Variants in GDPD4 observed in about 807,000 individuals in gnomAD.
GDPD4 encodes the protein glycerophosphodiester phosphodiesterase 6.
A neutral mutation model predicts 67.8 loss-of-function variants in GDPD4; 60 were observed. That is an observed-to-expected ratio of 0.88 (90% CI 0.72 to 1.10). GDPD4 has a LOEUF of 1.10. GDPD4 is among the 50% of genes least tolerant of loss of function. The pLI is 0.00. For missense variants in GDPD4, 623 were observed against 613.9 expected, an observed-to-expected ratio of 1.01 and a Z score of -0.16; for synonymous variants, 212 against 210.9, an observed-to-expected ratio of 1.00 and a Z score of -0.04.
chr11:77,289,964 GA>G (rs1447285456), intron 1 of GDPD4, among the ~76,000 whole-genome samples: 61 of 152,238 alleles, frequency 4.0e-4, no homozygotes, highest in Non-Finnish European at 7.1e-4. Flanking sequence ...AAGAGGTGGG[GA>G]AAAGCATCGA....
intron 16 of GDPD4, among the ~76,000 whole-genome samples, chr11:77,221,893 T>G (rs1204165439): frequency 6.6e-6 from 1 of 151,866 alleles, no homozygotes; most frequent in Non-Finnish European, 1.5e-5. Flanking sequence ...CACTAAGGAC[T>G]TGCTTTATGA....
chr11:77,242,935 T>TATAG (rs11282443), intron 13 of GDPD4, among the ~76,000 whole-genome samples: 1 of 151,200 alleles, frequency 6.6e-6, no homozygotes, highest in Non-Finnish European at 1.5e-5. Flanking sequence ...ATCTATAATC[T>TATAG]ATTATAGATA....
At chr11:77,227,415 G>A (rs1002892683) in intron 16 of GDPD4, among the ~76,000 whole-genome samples, 9 of 152,156 alleles carry the variant, frequency 5.9e-5, no homozygotes, top group African/African-American at 1.9e-4. Context: ...CAGCTACTCT[G>A]TCCTGGACCT....
In GDPD4 at chr11:77,227,715, C is replaced by T. The variant is rs1958370130; in HGVS notation, c.1525+149G>A. 4 of 649,612 alleles carry T rather than the reference C, an allele frequency of 6.2e-6. No individual in the cohort carries two copies. The South Asian group carries it at 7.1e-5, about 12-fold the overall frequency. 40.2% of individuals were successfully genotyped at this position (649,612 alleles called of 1,614,324 possible). A position where few individuals can be genotyped will look rare whatever the true frequency, so the allele number is the denominator to read the frequency against. ...AGAGTCCTCCAGAATCTATGCCCAGCCTATACTTCCCCTGGTCCCTCCCCC... is the reference window on the plus strand; with the variant it reads ...AGAGTCCTCCAGAATCTATGCCCAGTCTATACTTCCCCTGGTCCCTCCCCC... On this transcript the variant is annotated intron_variant, in intron 16 of 16. Transcript: ENST00000315938.
Position 77,271,343 on chromosome 11 carries a change from T to A in GDPD4, c.258A>T (p.Ile86=), listed in dbSNP as rs915385698. 3 of 1,613,910 alleles carry A rather than the reference T, an allele frequency of 1.9e-6. No individual in the cohort carries two copies. In the African/African-American group the frequency reaches 4.0e-5, roughly 22 times the overall value. ...GCCACCTTTCTTTCCAGAATTTGCATATAATGAACATTAAAATGACACACA... is the reference window on the plus strand; with the variant it reads ...GCCACCTTTCTTTCCAGAATTTGCAAATAATGAACATTAAAATGACACACA... The part of the protein sequence containing the change: ...ILLCVILMFI[I]CKFWKERWLV... The change falls in exon 6 of 17, where the codon ATA becomes ATT. Residue 86 remains isoleucine (I), a synonymous_variant. Transcript: ENST00000315938.
rs571738643 is a variant in GDPD4, at chr11:77,256,762, C to T, written c.864+1624G>A. On this transcript the variant is annotated intron_variant, in intron 11 of 16. Transcript: ENST00000315938. Reference sequence around the variant, plus strand: ...GGTACCTCCTTCTCTCTTTCTTGCTCCCTCTCTCGCCATATGACATGCCTT... The same window carrying T: ...GGTACCTCCTTCTCTCTTTCTTGCTTCCTCTCTCGCCATATGACATGCCTT... Among the ~76,000 whole-genome samples, 72 of 152,244 alleles carry T rather than the reference C, an allele frequency of 4.7e-4. 1 individual carries two copies. Among genetic ancestry groups the T allele is most frequent in the African/African-American group, 1.7e-3 (70 of 41,528 alleles).
intron 11 of GDPD4, 137 bp from the exon 12 acceptor site, chr11:77,245,639 C>G: frequency 3.2e-6 from 2 of 622,186 alleles, no homozygotes; most frequent in East Asian, 5.5e-5. Context: ...TCCTAGAAAA[C>G]AGGTGACAAG....
chr11:77,224,590 CAG>C (rs975462613), intron 16 of GDPD4, among the ~76,000 whole-genome samples: 19 of 152,230 alleles, frequency 1.2e-4, no homozygotes, highest in African/African-American at 4.1e-4. Flanking sequence ...ATTGAGAAAA[CAG>C]AGATGACTTC....
At chr11:77,261,777 G>A (rs1288272001) in intron 10 of GDPD4, among the ~76,000 whole-genome samples, 1 of 152,180 alleles carries the variant, frequency 6.6e-6, no homozygotes, top group Non-Finnish European at 1.5e-5. Flanking sequence ...TCAGCTTTTA[G>A]TGTGTGAAAC....
At chr11:77,266,737 T>C (rs1959179963) in intron 10 of GDPD4, among the ~76,000 whole-genome samples, 1 of 151,942 alleles carries the variant, frequency 6.6e-6, no homozygotes, top group Non-Finnish European at 1.5e-5. Context: ...TCTTAGTTTC[T>C]AACAAAAAAG....
At position 77,287,314 on chromosome 11, in the gene GDPD4, G is replaced by A. The variant is rs1960037128; in HGVS notation, c.-147C>T. The A allele has an allele frequency of 6.6e-6, 1 of 152,236 alleles. No homozygotes were observed. Among genetic ancestry groups the A allele is most frequent in the Admixed American group, 6.5e-5 (1 of 15,284 alleles). 9.4% of individuals were successfully genotyped at this position (152,236 alleles called of 1,614,324 possible). ...CAGTAAGGAAGGTGACAAAGCATTT[G>A]TGGTTGAAGATGCGTGGAATCCATG... On this transcript the variant is annotated 5_prime_UTR_variant, in exon 2 of 17. It introduces an in-frame stop codon into an upstream open reading frame of the 5' UTR. Coordinates refer to ENST00000315938, the MANE Select transcript of GDPD4 (RefSeq NM_182833.3).
intron 14 of GDPD4, among the ~76,000 whole-genome samples, chr11:77,229,912 T>C (rs1331358754): frequency 6.6e-6 from 1 of 152,072 alleles, no homozygotes; most frequent in African/African-American, 2.4e-5. Flanking sequence ...TCCACCTCAA[T>C]TGTGCCCTCT....
chr11:77,292,852 T>G (rs1937825489), intron 1 of GDPD4, among the ~76,000 whole-genome samples: 1 of 152,062 alleles, frequency 6.6e-6, no homozygotes, highest in Non-Finnish European at 1.5e-5. Context: ...ATACATGAAA[T>G]GGGCAAATTC....
intron 16 of GDPD4, among the ~76,000 whole-genome samples, chr11:77,221,437 T>G (rs932132538): frequency 6.7e-6 from 1 of 149,364 alleles, no homozygotes; most frequent in South Asian, 2.1e-4. Flanking sequence ...TTATGTCTTT[T>G]TTCTCATTGG....
At chr11:77,269,696 C>T (rs1959196977) in intron 8 of GDPD4, among the ~76,000 whole-genome samples, 187 bp downstream of exon 8, 1 of 152,044 alleles carries the variant, frequency 6.6e-6, no homozygotes, top group Non-Finnish European at 1.5e-5. Context: ...CCCCCTCTTT[C>T]CTTCCCTCCC....
At chr11:77,263,339 A>T (rs1200468872) in intron 10 of GDPD4, among the ~76,000 whole-genome samples, 1 of 152,212 alleles carries the variant, frequency 6.6e-6, no homozygotes, top group Non-Finnish European at 1.5e-5. Flanking sequence ...ATGAAATGTT[A>T]GTGTACTGAT....
At chr11:77,259,925 G>T (rs1277413464) in intron 10 of GDPD4, among the ~76,000 whole-genome samples, 1 of 152,190 alleles carries the variant, frequency 6.6e-6, no homozygotes, top group African/African-American at 2.4e-5. Flanking sequence ...ATCGGAGCTT[G>T]CACAGGGGTA....
At chr11:77,224,051 G>C (rs1314853282) in intron 16 of GDPD4, among the ~76,000 whole-genome samples, 2 of 152,222 alleles carry the variant, frequency 1.3e-5, no homozygotes, top group African/African-American at 2.4e-5. Context: ...CGTTGGAAAA[G>C]TGCAGTATTA....
At chr11:77,291,820 C>T (rs1265617786) in intron 1 of GDPD4, among the ~76,000 whole-genome samples, 1 of 152,086 alleles carries the variant, frequency 6.6e-6, no homozygotes, top group East Asian at 1.9e-4. Flanking sequence ...CAACTGAGGT[C>T]GGGAGTTTGA....
Sources: gnomAD v4.1 joint callset for allele counts (sites outside exome capture counted in the v4.1 genomes callset) on GRCh38, gnomAD v4.1.1 for gene constraint, MANE v1.5 for transcripts, NCBI Gene and HGNC (gene_info 2026-07-23, HGNC 2026-07-21) for gene names.